The following SLC38A11 variants were observed in gnomAD, a reference collection of about 807,000 sequenced individuals.
SLC38A11 encodes the protein putative sodium-coupled neutral amino acid transporter 11.
In SLC38A11, 51 loss-of-function variants were observed where a neutral mutation model predicts 49.4. The observed-to-expected ratio is 1.03, with a 90% confidence interval of 0.83 to 1.30. The LOEUF is 1.30. Ranked by LOEUF, SLC38A11 falls within the 50% of genes most tolerant of loss-of-function variation. The pLI is 0.00. For missense variants in SLC38A11, 574 were observed against 556.2 expected (o/e 1.03, Z -0.32); for synonymous variants, 203 against 192.9 (o/e 1.05, Z -0.43).
At chr2:164,937,234 A>G in intron 7 of SLC38A11, 116 bp downstream of exon 7, 3 of 719,732 alleles carry the variant, frequency 4.2e-6, no homozygotes, top group Non-Finnish European at 7.0e-6. Context: ...GTCAAATACC[A>G]AAGATAAATG....
Position 164,955,341 on chromosome 2 carries a change from G to A in SLC38A11, c.-94C>T, listed in dbSNP as rs961217554. On this transcript the variant is annotated 5_prime_UTR_variant, in exon 1 of 12. Coordinates refer to ENST00000685975, the MANE Select transcript of SLC38A11 (RefSeq NM_001351537.2). ...CCTCCGCCACCTCGCACACAGCCGA[G>A]GTCCGCGTGTAGCCGCAGAGCTGCA... is the stretch of plus-strand genomic sequence containing the variant. 4 of 1,251,336 alleles carry A rather than the reference G, an allele frequency of 3.2e-6. No homozygotes were observed. The highest frequency in any genetic ancestry group is 3.0e-5 in the African/African-American group (2 of 66,876). The allele number at this position is 1,251,336 out of a possible 1,614,324, so 77.5% of individuals were successfully genotyped here.
Sources: gnomAD v4.1 joint callset for allele counts on GRCh38, gnomAD v4.1.1 for gene constraint, MANE v1.5 for transcripts, NCBI Gene and HGNC (gene_info 2026-07-23, HGNC 2026-07-21) for gene names.